NDUFAF2: variants seen among roughly 807,000 people sequenced by gnomAD.
NDUFAF2 encodes NADH:ubiquinone oxidoreductase complex assembly factor 2, also known as NADH dehydrogenase [ubiquinone] 1 alpha subcomplex assembly factor 2.
In NDUFAF2, 13 loss-of-function variants were observed where a neutral mutation model predicts 22.8. The ratio of observed to expected loss-of-function variants is 0.57; its 90% CI spans 0.37 to 0.91. NDUFAF2 has a LOEUF of 0.91. Ranked by LOEUF, NDUFAF2 falls within the 40% of genes least tolerant of loss-of-function variation. The pLI is 0.01. For missense variants in NDUFAF2, 162 were observed against 195.2 expected, an observed-to-expected ratio of 0.83 and a Z score of 1.01; for synonymous variants, 53 against 64.2, an observed-to-expected ratio of 0.83 and a Z score of 0.84.
chr5:61,076,846 G>A (rs1015372738), intron 2 of NDUFAF2, among the ~76,000 whole-genome samples: 1 of 152,146 alleles, frequency 6.6e-6, no homozygotes, highest in African/African-American at 2.4e-5. Context: ...CAGTGGGAGT[G>A]GAAAGAAGAA....
intron 1 of NDUFAF2, among the ~76,000 whole-genome samples, chr5:61,003,576 G>T (rs1164255840): frequency 6.7e-6 from 1 of 149,262 alleles, no homozygotes; most frequent in African/African-American, 2.5e-5. Flanking sequence ...CAATACACCA[G>T]AACTTCAGAT....
intron 3 of NDUFAF2, among the ~76,000 whole-genome samples, chr5:61,123,032 G>A (rs1401052813): frequency 6.6e-6 from 1 of 152,120 alleles, no homozygotes; most frequent in African/African-American, 2.4e-5. Context: ...TGAGCACATA[G>A]TCCAGGTATA....
chr5:61,138,229 T>G lies in NDUFAF2; in HGVS notation c.259-14475T>G, dbSNP rs75234090. 8.7e-3 allele frequency among the ~76,000 whole-genome samples: 1,313 copies of G among 150,168 alleles called. 21 individuals are homozygous for G. Among genetic ancestry groups the G allele is most frequent in the African/African-American group, 0.031 (1,258 of 40,766 alleles). On this transcript the variant is annotated intron_variant, in intron 3 of 3. Transcript: ENST00000296597. ...GCATGAAAGGTCACTCTGATTTCTATGTGGACATTAGATCATAGAGGACCA... is the reference window on the plus strand; with the variant it reads ...GCATGAAAGGTCACTCTGATTTCTAGGTGGACATTAGATCATAGAGGACCA...
chr5:60,991,319 A>G (rs929150930), intron 1 of NDUFAF2, among the ~76,000 whole-genome samples: 5 of 152,186 alleles, frequency 3.3e-5, no homozygotes, highest in African/African-American at 1.2e-4. Flanking sequence ...ACTTTGAGTC[A>G]CAATCAATCA....
intron 1 of NDUFAF2, among the ~76,000 whole-genome samples, chr5:60,978,346 T>G (rs1258375175): frequency 1.3e-5 from 2 of 152,168 alleles, no homozygotes; most frequent in Non-Finnish European, 2.9e-5. Flanking sequence ...AAGAAATACC[T>G]GAGACTGGGT....
intron 1 of NDUFAF2, among the ~76,000 whole-genome samples, chr5:60,987,296 A>G (rs1316847608): frequency 6.6e-6 from 1 of 152,112 alleles, no homozygotes; most frequent in East Asian, 1.9e-4. Flanking sequence ...TAGCCTACCA[A>G]TCCCCCATAA....
rs373033855 is a variant in NDUFAF2, at chr5:61,099,050, G to A, written c.258+18G>A. 4.4e-4 allele frequency: 688 copies of A among 1,577,654 alleles called. 13 individuals are homozygous for A. In the South Asian group the frequency reaches 5.5e-3, roughly 13 times the overall value. On this transcript the variant is annotated intron_variant, in intron 3 of 3. Coordinates refer to ENST00000296597, the MANE Select transcript of NDUFAF2 (RefSeq NM_174889.5). ...CTATGGAGGTAAGACTACACAAGGA[G>A]GATATCATTTAGGAGTATATATTCC...
intron 3 of NDUFAF2, among the ~76,000 whole-genome samples, chr5:61,125,674 A>T (rs1753028148): frequency 6.6e-6 from 1 of 152,104 alleles, no homozygotes; most frequent in South Asian, 2.1e-4. Context: ...AGAGATTCCC[A>T]CATCTTCAGA....
chr5:61,134,093 G>A (rs1358792967), intron 3 of NDUFAF2, among the ~76,000 whole-genome samples: 1 of 152,158 alleles, frequency 6.6e-6, no homozygotes, highest in Non-Finnish European at 1.5e-5. Context: ...GGAGTCCTAT[G>A]AGGCTAAAAA....
At position 61,152,449 on chromosome 5, in the gene NDUFAF2, A is replaced by G. The variant is rs810884; in HGVS notation, c.259-255A>G. ...TCACATTTGTTTGTTTCATTTTTTG[A>G]GTAGTAAATATTTCTACTGTGGGGT... On this transcript the variant is annotated intron_variant, in intron 3 of 3. Coordinates refer to ENST00000296597, the MANE Select transcript of NDUFAF2 (RefSeq NM_174889.5). Among the ~76,000 whole-genome samples, 95,031 of 151,880 alleles carry G rather than the reference A, an allele frequency of 0.63. 30,553 individuals are homozygous for G. The highest frequency in any genetic ancestry group is 0.94 in the East Asian group (4,891 of 5,178).
chr5:61,071,689 G>A lies in NDUFAF2; in HGVS notation c.128-1436G>A, dbSNP rs372563160. 5.9e-5 allele frequency among the ~76,000 whole-genome samples: 9 copies of A among 152,288 alleles called. No homozygotes were observed. In the East Asian group the frequency reaches 1.5e-3, roughly 26 times the overall value. Reference sequence around the variant, plus strand: ...TTGTAAGGTCCAAATTTCTCTCCCTGACTGGTCTGATCACTGTTAAGCCAT... The same window carrying A: ...TTGTAAGGTCCAAATTTCTCTCCCTAACTGGTCTGATCACTGTTAAGCCAT... On this transcript the variant is annotated intron_variant, in intron 1 of 3. Coordinates refer to ENST00000296597, the MANE Select transcript of NDUFAF2 (RefSeq NM_174889.5).
chr5:61,099,923 A>G (rs1280284880), intron 3 of NDUFAF2, among the ~76,000 whole-genome samples: 1 of 152,094 alleles, frequency 6.6e-6, no homozygotes, highest in Non-Finnish European at 1.5e-5. Context: ...CAGGATAATG[A>G]TGATACCTCA....
intron 1 of NDUFAF2, among the ~76,000 whole-genome samples, chr5:61,042,885 A>G (rs1174798837): frequency 6.6e-6 from 1 of 152,210 alleles, no homozygotes; most frequent in Non-Finnish European, 1.5e-5. Flanking sequence ...TTCCACCTAC[A>G]TGACACTTCT....
At chr5:61,131,109 A>T (rs1362837749) in intron 3 of NDUFAF2, among the ~76,000 whole-genome samples, 2 of 151,972 alleles carry the variant, frequency 1.3e-5, no homozygotes, top group Non-Finnish European at 2.9e-5. Context: ...CAGAATAAAG[A>T]CTTCTCTTTT....
chr5:61,034,513 A>T (rs1040583588), intron 1 of NDUFAF2, among the ~76,000 whole-genome samples: 3 of 152,158 alleles, frequency 2.0e-5, no homozygotes, highest in African/African-American at 7.2e-5. Flanking sequence ...ACTGTCATAG[A>T]TGTGGTCCGT....
intron 1 of NDUFAF2, among the ~76,000 whole-genome samples, chr5:60,951,687 T>C (rs1750550703): frequency 6.6e-6 from 1 of 152,182 alleles, no homozygotes; most frequent in South Asian, 2.1e-4. Context: ...GGTTTGTTTT[T>C]AGGTTAATGC....
At chr5:61,017,320 A>C (rs867843263) in intron 1 of NDUFAF2, among the ~76,000 whole-genome samples, 1 of 152,186 alleles carries the variant, frequency 6.6e-6, no homozygotes, top group Non-Finnish European at 1.5e-5. Flanking sequence ...AAATTTAAAA[A>C]TCTTTGTAGA....
chr5:61,001,146 G>A (rs1341682263), intron 1 of NDUFAF2, among the ~76,000 whole-genome samples: 2 of 152,008 alleles, frequency 1.3e-5, no homozygotes, highest in Non-Finnish European at 2.9e-5. Context: ...GAGCCAACTT[G>A]AGTTCCCCTT....
At chr5:60,991,736 A>T (rs1239616249) in intron 1 of NDUFAF2, among the ~76,000 whole-genome samples, 1 of 151,920 alleles carries the variant, frequency 6.6e-6, no homozygotes, top group African/African-American at 2.4e-5. Flanking sequence ...AATCTTGGCT[A>T]TTGTAAATAA....
Sources: allele counts gnomAD v4.1 joint callset (sites outside exome capture counted in the v4.1 genomes callset), GRCh38; gene constraint gnomAD v4.1.1; transcripts MANE v1.5; gene names NCBI Gene and HGNC (gene_info 2026-07-23, HGNC 2026-07-21).